The following CD47 variants were observed in gnomAD, a reference collection of about 807,000 sequenced individuals.
CD47 encodes CD47 molecule.
CD47 carries 11 observed loss-of-function variants against 44.6 expected under a neutral mutation model. The observed-to-expected ratio is 0.25, with a 90% CI of 0.16 to 0.41. The LOEUF is 0.41. Ranked by LOEUF, CD47 falls within the 10% of genes least tolerant of loss-of-function variation. CD47 has a pLI of 1.00. For synonymous variants in CD47, 140 were observed against 136.3 expected (o/e 1.03, Z -0.19); for missense variants, 306 against 386.7 (o/e 0.79, Z 1.75).
At chr3:108,050,179 A>AGC (rs2078801421) in intron 9 of CD47, among the ~76,000 whole-genome samples, 1 of 152,202 alleles carries the variant, frequency 6.6e-6, no homozygotes, top group Admixed American at 6.5e-5. Context: ...GTGCGGTGGC[A>AGC]TGATCTCAAC....
At chr3:108,076,791 C>T (rs907509982) in intron 2 of CD47, among the ~76,000 whole-genome samples, 4 of 152,146 alleles carry the variant, frequency 2.6e-5, no homozygotes, top group Non-Finnish European at 5.9e-5. Context: ...ATGCCTAGTA[C>T]GGTGACTGGC....
rs445541 is a variant in CD47 at position 108,090,951 on chromosome 3, C to T, written c.-43G>A. On this transcript the variant is annotated 5_prime_UTR_variant, in exon 1 of 11. Coordinates refer to ENST00000361309, the MANE Select transcript of CD47 (RefSeq NM_001777.4). ...GGTCGCCGCCGCCGCCGCAGGTGTC[C>T]GGAGCAGCAGCCGCCGCCGCCGTTA... 1,421,595 of 1,422,482 alleles carry T rather than the reference C, an allele frequency of 1. 710,357 individuals carry two copies. The highest frequency in any genetic ancestry group is 1 in the Middle Eastern group (4,014 of 4,014). The allele number at this position is 1,422,482 out of a possible 1,614,324, so 88.1% of individuals were successfully genotyped here.
intron 1 of CD47, among the ~76,000 whole-genome samples, chr3:108,081,334 A>G (rs572565705): frequency 3.9e-5 from 6 of 152,118 alleles, no homozygotes; most frequent in African/African-American, 1.4e-4. Context: ...TCTTTTACCT[A>G]AGTAGCTACT....
At chr3:108,048,242 G>A (rs907559386) in intron 10 of CD47, among the ~76,000 whole-genome samples, 1 of 151,844 alleles carries the variant, frequency 6.6e-6, no homozygotes, top group African/African-American at 2.4e-5. Flanking sequence ...TTTTTAGGAG[G>A]GTAATGGCTT....
chr3:108,046,013 A>C lies in CD47; in HGVS notation c.*1275T>G, dbSNP rs2108213344. 1 of 152,388 alleles carries C rather than the reference A, an allele frequency of 6.6e-6. No individual in the cohort carries two copies. The highest frequency in any genetic ancestry group is 2.1e-4 in the South Asian group (1 of 4,834). The allele number at this position is 152,388 out of a possible 1,614,324, so 9.4% of individuals were successfully genotyped here. ...ATGTGCCTATCTCATACGTATGCACATACAAACACACATCCACAAACAGGT... is the reference window on the plus strand; with the variant it reads ...ATGTGCCTATCTCATACGTATGCACCTACAAACACACATCCACAAACAGGT... On this transcript the variant is annotated 3_prime_UTR_variant, in exon 11 of 11. Coordinates refer to ENST00000361309, the MANE Select transcript of CD47 (RefSeq NM_001777.4).
chr3:108,048,913 A>G (rs2078770331), intron 10 of CD47, among the ~76,000 whole-genome samples: 1 of 152,242 alleles, frequency 6.6e-6, no homozygotes, highest in Admixed American at 6.5e-5. Context: ...CTAAATGCCA[A>G]CAAAACTGAG....
At chr3:108,062,800 C>T (rs888595063) in intron 3 of CD47, among the ~76,000 whole-genome samples, 31 of 151,040 alleles carry the variant, frequency 2.1e-4, no homozygotes, top group African/African-American at 7.3e-4. Context: ...CGCCACCAGG[C>T]CTGGCTAATT....
At chr3:108,085,561 T>C (rs2079503753) in intron 1 of CD47, among the ~76,000 whole-genome samples, 1 of 152,168 alleles carries the variant, frequency 6.6e-6, no homozygotes, top group African/African-American at 2.4e-5. Flanking sequence ...CTTGTTCCCC[T>C]TCCCTACCAT....
At chr3:108,053,261 A>G (rs2078860161) in intron 7 of CD47, 1 of 152,368 alleles carries the variant, frequency 6.6e-6, no homozygotes, top group African/African-American at 2.4e-5. Context: ...TCCTGACCCA[A>G]GGAAAGCCAA....
At position 108,045,998 on chromosome 3, in the gene CD47, C is replaced by G. The variant is rs2078717039; in HGVS notation, c.*1290G>C. On this transcript the variant is annotated 3_prime_UTR_variant, in exon 11 of 11. Coordinates refer to ENST00000361309, the MANE Select transcript of CD47 (RefSeq NM_001777.4). ...CCATACAGAAGATGCATGTGCCTAT[C>G]TCATACGTATGCACATACAAACACA... 1 of 152,332 alleles carries G rather than the reference C, an allele frequency of 6.6e-6. No individual in the cohort carries two copies. Among genetic ancestry groups the G allele is most frequent in the African/African-American group, 2.4e-5 (1 of 41,574 alleles). The allele number at this position is 152,332 out of a possible 1,614,324, so 9.4% of individuals were successfully genotyped here.
At position 108,044,415 on chromosome 3, in the gene CD47, C is replaced by CA. The variant is rs55777019; in HGVS notation, c.*2872dup. On this transcript the variant is annotated 3_prime_UTR_variant, in exon 11 of 11. Coordinates refer to ENST00000361309, the MANE Select transcript of CD47 (RefSeq NM_001777.4). ...GGTTTTTAGAGCATGTGAAATTAGTCAAAAAAAAAAAAAAAAAAAAAAAAA... is the reference window on the plus strand; with the variant it reads ...GGTTTTTAGAGCATGTGAAATTAGTCAAAAAAAAAAAAAAAAAAAAAAAAAA... The CA allele has an allele frequency of 2.1e-3, 72 of 34,116 alleles. No homozygotes were observed. The highest frequency in any genetic ancestry group is 2.8e-3 in the African/African-American group (29 of 10,462). The allele number at this position is 34,116 out of a possible 1,614,324, so 2.1% of individuals were successfully genotyped here. A position where few individuals can be genotyped will look rare whatever the true frequency, so the allele number is the denominator to read the frequency against.
rs1402020254 is a variant in CD47, at chr3:108,080,240, T to C, written c.151A>G (p.Thr51Ala). 1 of 1,611,618 alleles carries C rather than the reference T, an allele frequency of 6.2e-7. No homozygotes were observed. ...CFVTNMEAQN[T>A]TEVYVKWKFK... ...TTCCACTTTACGTATACTTCAGTAG[T>C]GTTTTGTGCCTCCATATTAGTAACA... The change falls in exon 2 of 11, where the codon ACT becomes GCT. Residue 51 changes from threonine to alanine, a missense_variant. This residue lies in a region of CD47 where 25 missense variants were observed against 52.7 expected (regional missense o/e 0.47). Coordinates refer to ENST00000361309, the MANE Select transcript of CD47 (RefSeq NM_001777.4).
chr3:108,089,944 G>A (rs2079596448), intron 1 of CD47, among the ~76,000 whole-genome samples: 1 of 117,798 alleles, frequency 8.5e-6, no homozygotes, highest in Non-Finnish European at 1.6e-5. Context: ...TCCTTGCTCA[G>A]TTTTTACAGA....
At chr3:108,062,011 T>C (rs1305900451) in intron 3 of CD47, among the ~76,000 whole-genome samples, 1 of 152,226 alleles carries the variant, frequency 6.6e-6, no homozygotes, top group African/African-American at 2.4e-5. Flanking sequence ...CTGGAATTTC[T>C]ATCTACCCAT....
intron 4 of CD47, among the ~76,000 whole-genome samples, chr3:108,060,221 C>G (rs2108235124): frequency 6.6e-6 from 1 of 152,288 alleles, no homozygotes; most frequent in South Asian, 2.1e-4. Flanking sequence ...ATCCCTAAAA[C>G]CTGTGAATAT....
intron 3 of CD47, among the ~76,000 whole-genome samples, chr3:108,068,843 T>C (rs1162354351): frequency 6.6e-6 from 1 of 152,180 alleles, no homozygotes; most frequent in Non-Finnish European, 1.5e-5. Flanking sequence ...GCTGGGTGAA[T>C]CATGTATAGA....
chr3:108,048,097 A>C (rs2078750874), intron 10 of CD47, among the ~76,000 whole-genome samples: 1 of 152,164 alleles, frequency 6.6e-6, no homozygotes, highest in Non-Finnish European at 1.5e-5. Flanking sequence ...TGTAAACATG[A>C]ACAAACCATG....
chr3:108,056,184 T>G (rs906254202), intron 7 of CD47, among the ~76,000 whole-genome samples: 1 of 152,220 alleles, frequency 6.6e-6, no homozygotes, highest in African/African-American at 2.4e-5. Context: ...ACATTCAAGA[T>G]GTTCACTGTA....
chr3:108,051,194 T>G (rs767156001), intron 8 of CD47, among the ~76,000 whole-genome samples: 3 of 152,124 alleles, frequency 2.0e-5, no homozygotes, highest in African/African-American at 7.2e-5. Context: ...GACAGAAGAC[T>G]CTCTTTGGCA....
Sources: allele counts gnomAD v4.1 joint callset (sites outside exome capture counted in the v4.1 genomes callset), GRCh38; gene constraint gnomAD v4.1.1; regional missense constraint gnomAD v4.1.1; transcripts MANE v1.5; gene names NCBI Gene and HGNC (gene_info 2026-07-23, HGNC 2026-07-21).